Variants in LTBP1 observed in about 807,000 individuals in gnomAD.
The protein encoded by LTBP1 is latent-transforming growth factor beta-binding protein 1.
A neutral mutation model predicts 207.6 loss-of-function variants in LTBP1; 129 were observed. The observed-to-expected ratio is 0.62, with a 90% CI of 0.54 to 0.72. LTBP1 has a LOEUF of 0.72. Ranked by LOEUF, LTBP1 falls within the 30% of genes least tolerant of loss-of-function variation. The pLI is 0.00. For missense variants in LTBP1, 2,281 were observed against 2,217.2 expected (o/e 1.03, Z -0.58); for synonymous variants, 963 against 833.7 (o/e 1.16, Z -2.67).
At chr2:33,004,449 A>G (rs547624688) in intron 2 of LTBP1, among the ~76,000 whole-genome samples, 4 of 152,048 alleles carry the variant, frequency 2.6e-5, no homozygotes, top group Non-Finnish European at 5.9e-5. Flanking sequence ...CACATACCAT[A>G]CAATTCCCTT....
intron 2 of LTBP1, among the ~76,000 whole-genome samples, chr2:32,963,471 A>G (rs1679458654): frequency 6.6e-6 from 1 of 151,970 alleles, no homozygotes; most frequent in Non-Finnish European, 1.5e-5. Context: ...TTGGCCTCCC[A>G]AAGTGCTGGG....
intron 28 of LTBP1, 92 bp from the exon 29 acceptor site, chr2:33,363,298 T>G: frequency 8.0e-7 from 1 of 1,257,440 alleles, no homozygotes; most frequent in African/African-American, 1.5e-5. Flanking sequence ...TATTATAATA[T>G]CTAACTTAAA....
chr2:33,108,786 C>G (rs1021530941), intron 3 of LTBP1, among the ~76,000 whole-genome samples: 2 of 152,192 alleles, frequency 1.3e-5, no homozygotes, highest in Non-Finnish European at 1.5e-5. Flanking sequence ...ATTCCTCTTT[C>G]CAAGAGGCTG....
chr2:32,975,666 T>G (rs1052083628), intron 2 of LTBP1, among the ~76,000 whole-genome samples: 1 of 139,574 alleles, frequency 7.2e-6, no homozygotes, highest in African/African-American at 2.6e-5. Context: ...GGCTCTGAGA[T>G]TCTTTCCTCA....
chr2:33,387,398 A>T (rs112926582), intron 31 of LTBP1, among the ~76,000 whole-genome samples: 1 of 152,228 alleles, frequency 6.6e-6, no homozygotes, highest in Non-Finnish European at 1.5e-5. Flanking sequence ...TTGAGTCAAG[A>T]ATCTTTTTCC....
chr2:32,962,548 C>G (rs1376601107), intron 2 of LTBP1, among the ~76,000 whole-genome samples: 2 of 152,112 alleles, frequency 1.3e-5, no homozygotes, highest in Non-Finnish European at 2.9e-5. Context: ...ACGTTTGTTT[C>G]GAGTGGAAGA....
At chr2:33,150,969 T>A (rs142155429) in intron 5 of LTBP1, among the ~76,000 whole-genome samples, 2,331 of 151,834 alleles carry the variant, frequency 0.015, 24 homozygotes, top group East Asian at 0.026. Flanking sequence ...CAAATTCCTG[T>A]CCTCAAGTGA....
At chr2:33,371,603 A>G (rs2095068228) in intron 31 of LTBP1, among the ~76,000 whole-genome samples, 1 of 152,220 alleles carries the variant, frequency 6.6e-6, no homozygotes, top group Admixed American at 6.5e-5. Flanking sequence ...CTTTGGTTGC[A>G]TATGGAGTTT....
At chr2:33,112,377 T>A in intron 4 of LTBP1, among the ~76,000 whole-genome samples, 1 of 152,252 alleles carries the variant, frequency 6.6e-6, no homozygotes, top group East Asian at 1.9e-4. Context: ...CTTAGAAGAA[T>A]GTGAAGATAA....
chr2:33,310,799 C>G (rs1172351664), intron 23 of LTBP1, among the ~76,000 whole-genome samples: 2 of 152,170 alleles, frequency 1.3e-5, no homozygotes, highest in Non-Finnish European at 2.9e-5. Flanking sequence ...ACCTGACTTG[C>G]CCCACAAGCT....
At chr2:33,354,683 T>TACACACAC (rs71409608) in intron 26 of LTBP1, among the ~76,000 whole-genome samples, 216 of 139,758 alleles carry the variant, frequency 1.5e-3, no homozygotes, top group Middle Eastern at 3.5e-3. Context: ...ACTAAAACTA[T>TACACACAC]ACACACACAC....
chr2:33,022,098 C>T (rs896456660), intron 3 of LTBP1, among the ~76,000 whole-genome samples: 9 of 152,142 alleles, frequency 5.9e-5, no homozygotes, highest in African/African-American at 2.2e-4. Flanking sequence ...CTTCCCTCTG[C>T]AGAGACAGCT....
Position 33,275,865 on chromosome 2 carries a change from C to T in LTBP1, c.2934C>T (p.Ala978=). The change falls in exon 18 of 34, where the codon GCC becomes GCT. Residue 978 remains alanine, a synonymous_variant. Coordinates refer to ENST00000404816, the MANE Select transcript of LTBP1 (RefSeq NM_206943.4). ...GEGHCVNTVG[A]FRCEYCDSGY... ...GGCACTGTGTCAATACTGTGGGGGC[C>T]TTCCGGTGTGAATACTGTGACAGCG... 1 of 1,612,530 alleles carries T rather than the reference C, an allele frequency of 6.2e-7. No individual in the cohort carries two copies. The highest frequency in any genetic ancestry group is 1.1e-5 in the South Asian group (1 of 90,674).
rs559119420 is a variant in LTBP1 at position 33,015,442 on chromosome 2, A to G, written c.566-5467A>G. Among the ~76,000 whole-genome samples, 17 of 152,320 alleles carry G rather than the reference A, an allele frequency of 1.1e-4. No individual in the cohort carries two copies. The East Asian group carries it at 1.4e-3, about 12-fold the overall frequency. On this transcript the variant is annotated intron_variant, in intron 2 of 33. Transcript: ENST00000404816. Reference sequence around the variant, plus strand: ...TTTGGAAAGTAGTGGCTCTATGTTTATATCAGTCAGTCAACCAAGTTTAGG... The same window carrying G: ...TTTGGAAAGTAGTGGCTCTATGTTTGTATCAGTCAGTCAACCAAGTTTAGG...
chr2:33,087,578 T>C (rs906586945), intron 3 of LTBP1, among the ~76,000 whole-genome samples: 1 of 152,214 alleles, frequency 6.6e-6, no homozygotes, highest in African/African-American at 2.4e-5. Context: ...CAGAAATCTC[T>C]GATTTTCTTG....
chr2:33,266,216 G>C (rs1355757590), intron 15 of LTBP1, among the ~76,000 whole-genome samples: 3 of 152,260 alleles, frequency 2.0e-5, no homozygotes, highest in Non-Finnish European at 4.4e-5. Context: ...AGTTGTGCAT[G>C]TGCTTGGGTG....
rs528192361 is a variant in LTBP1 at position 33,388,015 on chromosome 2, G to A, written c.4712-1169G>A. Among the ~76,000 whole-genome samples, 208 of 152,316 alleles carry A rather than the reference G, an allele frequency of 1.4e-3. 1 individual carries two copies. Among genetic ancestry groups the A allele is most frequent in the Non-Finnish European group, 2.3e-3 (156 of 68,030 alleles). ...CCCAGAATTTCACCAACTGCTAGAT[G>A]TATCTTTGGGAAGTGTATTTTGTGG... On this transcript the variant is annotated intron_variant, in intron 31 of 33. Coordinates refer to ENST00000404816, the MANE Select transcript of LTBP1 (RefSeq NM_206943.4).
chr2:33,128,869 A>G (rs1244188306), intron 4 of LTBP1, among the ~76,000 whole-genome samples: 3 of 152,076 alleles, frequency 2.0e-5, no homozygotes, highest in African/African-American at 7.2e-5. Context: ...TGTTTCTTCA[A>G]CTCTCAGTCA....
At chr2:33,308,735 C>T (rs897027811) in intron 22 of LTBP1, among the ~76,000 whole-genome samples, 1 of 152,030 alleles carries the variant, frequency 6.6e-6, no homozygotes, top group East Asian at 1.9e-4. Context: ...GTTAATAATA[C>T]AATATAGTTT....
Sources: allele counts gnomAD v4.1 joint callset (sites outside exome capture counted in the v4.1 genomes callset), GRCh38; gene constraint gnomAD v4.1.1; transcripts MANE v1.5; gene names NCBI Gene and HGNC (gene_info 2026-07-23, HGNC 2026-07-21).